KCNK10: variants seen among roughly 807,000 people sequenced by gnomAD.
KCNK10 encodes the protein potassium channel subfamily K member 10.
Under a neutral mutation model 47.7 loss-of-function variants are expected in KCNK10, and 25 were observed. That is an observed-to-expected ratio of 0.52 (90% CI 0.38 to 0.73). The LOEUF (loss-of-function observed/expected upper bound fraction) is 0.73, where lower values mean the gene tolerates loss of function less well. KCNK10 is among the 30% of genes least tolerant of loss of function. The pLI, the probability that KCNK10 is intolerant of heterozygous loss-of-function variation, is 0.00. For missense variants in KCNK10, 563 were observed against 714.5 expected, an observed-to-expected ratio of 0.79 and a Z score of 2.42; for synonymous variants, 303 against 285.6, an observed-to-expected ratio of 1.06 and a Z score of -0.61.
chr14:88,301,954 GAAGA>G (rs1234857477), intron 1 of KCNK10, among the ~76,000 whole-genome samples: 1 of 152,212 alleles, frequency 6.6e-6, no homozygotes, highest in Non-Finnish European at 1.5e-5. Context: ...AGCAAGGGTA[GAAGA>G]AAGGAGGCCG....
At chr14:88,302,634 C>T (rs776099195) in intron 1 of KCNK10, among the ~76,000 whole-genome samples, 11 of 152,116 alleles carry the variant, frequency 7.2e-5, no homozygotes, top group Non-Finnish European at 1.2e-4. Context: ...CGCTTGAACC[C>T]GGGAGGCAGA....
At chr14:88,196,747 C>T (rs1251504525) in intron 4 of KCNK10, among the ~76,000 whole-genome samples, 3 of 152,130 alleles carry the variant, frequency 2.0e-5, no homozygotes, top group Non-Finnish European at 4.4e-5. Context: ...AATGCAAACA[C>T]ATCACCATAG....
upstream of KCNK10, chr14:88,323,650 C>A (rs894431239): frequency 1.3e-5 from 2 of 150,948 alleles, no homozygotes; most frequent in African/African-American, 4.8e-5. Flanking sequence ...TACTTACTGG[C>A]TCGGCCGGCC....
chr14:88,221,630 G>C (rs1885812128), intron 4 of KCNK10, among the ~76,000 whole-genome samples: 1 of 152,200 alleles, frequency 6.6e-6, no homozygotes, highest in South Asian at 2.1e-4. Flanking sequence ...CACTTTGGAA[G>C]ACAGTGTGGC....
At chr14:88,246,359 A>G (rs1886641745) in intron 2 of KCNK10, among the ~76,000 whole-genome samples, 1 of 151,878 alleles carries the variant, frequency 6.6e-6, no homozygotes, top group South Asian at 2.1e-4. Context: ...CTGGCAGACC[A>G]CATTCATTAC....
At chr14:88,208,887 G>A (rs1191032942) in intron 4 of KCNK10, among the ~76,000 whole-genome samples, 1 of 152,172 alleles carries the variant, frequency 6.6e-6, no homozygotes, top group East Asian at 1.9e-4. Flanking sequence ...GAGGGGACCT[G>A]GGGGTGGGGA....
chr14:88,224,069 G>C (rs1885909441), intron 4 of KCNK10, among the ~76,000 whole-genome samples: 1 of 151,414 alleles, frequency 6.6e-6, no homozygotes, highest in Non-Finnish European at 1.5e-5. Context: ...AGTTTCATTT[G>C]GGTTTGGTTA....
intron 1 of KCNK10, among the ~76,000 whole-genome samples, chr14:88,296,427 C>T (rs1162534430): frequency 6.6e-6 from 1 of 152,220 alleles, no homozygotes; most frequent in Non-Finnish European, 1.5e-5. Context: ...GGATAGGACA[C>T]TCGATAAATG....
chr14:88,224,108 T>C (rs1475812996), intron 4 of KCNK10, among the ~76,000 whole-genome samples: 1 of 152,248 alleles, frequency 6.6e-6, no homozygotes, highest in African/African-American at 2.4e-5. Context: ...TTGGCACCTT[T>C]ACTTTTACCT....
chr14:88,251,789 T>C (rs992698766), intron 2 of KCNK10, among the ~76,000 whole-genome samples: 1 of 152,244 alleles, frequency 6.6e-6, no homozygotes, highest in Non-Finnish European at 1.5e-5. Flanking sequence ...CAAATTGCTT[T>C]CTAAGTTCCC....
intron 3 of KCNK10, among the ~76,000 whole-genome samples, chr14:88,232,569 T>C (rs965302439): frequency 3.3e-5 from 5 of 152,240 alleles, no homozygotes; most frequent in Admixed American, 2.0e-4. Flanking sequence ...TGTATGACTC[T>C]ATAAAGATCC....
rs906273654 is a variant in KCNK10, at chr14:88,183,489, T to C, written c.*2046A>G. 1 of 152,404 alleles carries C rather than the reference T, an allele frequency of 6.6e-6. No homozygotes were observed. Among genetic ancestry groups the C allele is most frequent in the Non-Finnish European group, 1.5e-5 (1 of 68,056 alleles). 9.4% of individuals were successfully genotyped at this position (152,404 alleles called of 1,614,324 possible). On this transcript the variant is annotated 3_prime_UTR_variant, in exon 7 of 7. Transcript: ENST00000319231. ...ACAGAGGAAGTCCCAGTTATCTACC[T>C]ATTCCTTAAAACACATTTTGTCAGG...
At chr14:88,236,112 CTG>C (rs908753720) in intron 3 of KCNK10, among the ~76,000 whole-genome samples, 8 of 152,094 alleles carry the variant, frequency 5.3e-5, no homozygotes, top group Admixed American at 3.9e-4. Context: ...GGCCAGGAGT[CTG>C]AGACCAGTCT....
intron 3 of KCNK10, among the ~76,000 whole-genome samples, chr14:88,228,902 T>C (rs902869054): frequency 6.6e-6 from 1 of 152,190 alleles, no homozygotes; most frequent in Admixed American, 6.5e-5. Context: ...CTCTCAGAAC[T>C]TTTTTCAGGT....
chr14:88,274,801 C>A (rs1000413750), intron 1 of KCNK10, among the ~76,000 whole-genome samples: 3 of 152,096 alleles, frequency 2.0e-5, no homozygotes, highest in Non-Finnish European at 4.4e-5. Flanking sequence ...CCAATGCATG[C>A]CCCCTGTGTG....
intron 4 of KCNK10, among the ~76,000 whole-genome samples, chr14:88,217,030 G>A (rs907596244): frequency 4.6e-5 from 7 of 152,266 alleles, no homozygotes; most frequent in South Asian, 2.1e-4. Flanking sequence ...GGTGGCACGC[G>A]CCTGTAGCCG....
chr14:88,197,895 A>AGAGAGAGAGAGAGAGAGAGAGAGAG (rs1884974261), intron 4 of KCNK10, among the ~76,000 whole-genome samples: 19 of 134,074 alleles, frequency 1.4e-4, no homozygotes, highest in African/African-American at 5.5e-4. Flanking sequence ...AGAGAGAGAG[A>AGAGAGAGAGAGAGAGAGAGAGAGAG]AGGGGAAAAA....
intron 4 of KCNK10, among the ~76,000 whole-genome samples, chr14:88,222,374 C>T (rs985645685): frequency 6.6e-6 from 1 of 152,074 alleles, no homozygotes; most frequent in African/African-American, 2.4e-5. Context: ...AAACATGAGT[C>T]ATTGTCAAAG....
rs998143776 is a variant in KCNK10, at chr14:88,181,081, T to C, written c.*4454A>G. 3 of 363,002 alleles carry C rather than the reference T, an allele frequency of 8.3e-6. No individual in the cohort carries two copies. Among genetic ancestry groups the C allele is most frequent in the African/African-American group, 6.3e-5 (3 of 47,680 alleles). 22.5% of individuals were successfully genotyped at this position (363,002 alleles called of 1,614,324 possible). ...GAATGCAACACTGGCTGGTTTTTCC[T>C]TTCTCGTTTTACAGGGGCTCTGAAT... On this transcript the variant is annotated 3_prime_UTR_variant, in exon 7 of 7. Coordinates refer to ENST00000319231, the MANE Select transcript of KCNK10 (RefSeq NM_138317.3).
Sources: allele counts gnomAD v4.1 joint callset (sites outside exome capture counted in the v4.1 genomes callset), GRCh38; gene constraint gnomAD v4.1.1; transcripts MANE v1.5; gene names NCBI Gene and HGNC (gene_info 2026-07-23, HGNC 2026-07-21).